ERBB3: variants seen among roughly 807,000 people sequenced by gnomAD.
ERBB3 encodes the protein erb-b2 receptor tyrosine kinase 3, also known as receptor tyrosine-protein kinase erbB-3.
In ERBB3, 96 loss-of-function variants were observed where a neutral mutation model predicts 156.7. The observed-to-expected ratio is 0.61, with a 90% CI of 0.52 to 0.73. The LOEUF (loss-of-function observed/expected upper bound fraction) is 0.73, where lower values mean the gene tolerates loss of function less well. Ranked by LOEUF, ERBB3 falls within the 30% of genes least tolerant of loss-of-function variation. The pLI is 0.00. For missense variants in ERBB3, 1,406 were observed against 1,709.4 expected (o/e 0.82, Z 3.13); for synonymous variants, 567 against 632.0 (o/e 0.90, Z 1.54).
At position 56,101,555 on chromosome 12, in the gene ERBB3, C is replaced by A. The variant is rs55699040; in HGVS notation, c.3529C>A (p.Leu1177Ile). The change falls in exon 28 of 28, where the codon CTT becomes ATT. Residue 1177 changes from leucine to isoleucine, a missense_variant. Leu to Ile is a conservative substitution (Grantham distance 5). Around this residue, in one of 3 missense-constraint regions of ERBB3, gnomAD observed 415 missense variants for 454.1 expected, o/e 0.91. Transcript: ENST00000267101. ...KGTPSSREGTLSSVGLSSVLG... is the reference protein window; with the variant it reads ...KGTPSSREGTISSVGLSSVLG... ...TACTCCCTCCTCCCGGGAAGGCACC[C>A]TTTCTTCAGTGGGTCTCAGTTCTGT... 6,228 of 1,614,074 alleles carry A rather than the reference C, an allele frequency of 3.9e-3. 22 individuals are homozygous for A. The highest frequency in any genetic ancestry group is 4.9e-3 in the Non-Finnish European group (5,832 of 1,180,004).
At chr12:56,098,963 T>TA (rs1256550568) in intron 23 of ERBB3, 58 bp downstream of exon 23, 25 of 1,528,370 alleles carry the variant, frequency 1.6e-5, no homozygotes, top group Non-Finnish European at 1.9e-5. Context: ...TTCTTTTTTT[T>TA]TTTTTTTTGA....
At chr12:56,093,168 C>G in intron 11 of ERBB3, 92 bp downstream of exon 11, 1 of 1,182,498 alleles carries the variant, frequency 8.5e-7, no homozygotes, top group Non-Finnish European at 1.3e-6. Context: ...CTGTCTCATA[C>G]AGCAGTGCCT....
At chr12:56,091,367 AT>A (rs1868702110) in intron 9 of ERBB3, among the ~76,000 whole-genome samples, 1 of 76,294 alleles carries the variant, frequency 1.3e-5, no homozygotes, top group Non-Finnish European at 3.0e-5. Context: ...TAAATATTAT[AT>A]ACTATTTATA....
At position 56,099,701 on chromosome 12, in the gene ERBB3, T is replaced by C; in HGVS notation, c.2893T>C (p.Phe965Leu). The C allele has an allele frequency of 6.2e-7, 1 of 1,614,056 alleles. No homozygotes were observed. The highest frequency in any genetic ancestry group is 8.5e-7 in the Non-Finnish European group (1 of 1,180,002). ...RPTFKELANE[F>L]TRMARDPPRY... ...AACCTTTAAAGAACTAGCCAATGAG[T>C]TCACCAGGATGGCCCGAGACCCACC... is the stretch of plus-strand genomic sequence containing the variant. Residue 965 changes from phenylalanine (F) to leucine (L), a missense_variant, in exon 24 of 28, where the codon TTC (phenylalanine) becomes CTC (leucine). Phe to Leu is a conservative substitution (Grantham distance 22, BLOSUM62 0). This residue lies in a region of ERBB3 where 979 missense variants were observed against 1,219.6 expected (regional missense o/e 0.80). Transcript: ENST00000267101.
chr12:56,093,923 T>C (rs141355769), intron 13 of ERBB3, 27 bp downstream of exon 13: 161 of 1,540,182 alleles, frequency 1.0e-4, no homozygotes, highest in Middle Eastern at 1.7e-4. Context: ...CAGTCAAGGA[T>C]GGGTGGGGGT....
intron 23 of ERBB3, among the ~76,000 whole-genome samples, chr12:56,099,338 C>G (rs1869007781): frequency 6.6e-6 from 1 of 151,768 alleles, no homozygotes; most frequent in Non-Finnish European, 1.5e-5. Flanking sequence ...CGCTCTGTTG[C>G]CCATACTGGA....
chr12:56,089,203 G>A (rs1251092165), intron 9 of ERBB3: 22 of 457,392 alleles, frequency 4.8e-5, no homozygotes, highest in East Asian at 2.6e-4. Flanking sequence ...GCGTGATCTC[G>A]ACTCACTGTA....
At chr12:56,094,583 G>C (rs1277705029) in intron 15 of ERBB3, 27 bp downstream of exon 15, 21 of 1,612,200 alleles carry the variant, frequency 1.3e-5, no homozygotes, top group Non-Finnish European at 1.7e-5. Context: ...TAAGGAGAGG[G>C]GGTCAGGTGG....
At chr12:56,087,503 C>A in intron 4 of ERBB3, 74 bp from the exon 5 acceptor site, 1 of 1,243,316 alleles carries the variant, frequency 8.0e-7, no homozygotes, top group South Asian at 1.2e-5. Flanking sequence ...TGTGTACTGA[C>A]ATCATACCCC....
rs2136826122 is a variant in ERBB3, at chr12:56,099,968, C to A, written c.3068C>A (p.Ala1023Glu). 1 of 1,614,224 alleles carries A rather than the reference C, an allele frequency of 6.2e-7. No individual in the cohort carries two copies. The highest frequency in any genetic ancestry group is 8.5e-7 in the Non-Finnish European group (1 of 1,180,046). ...TTGGAAGCAGAGGAGGACAACCTGG[C>A]AACCACCACACTGGGCTCCGCCCTC... ...LDLEAEEDNL[A>E]TTTLGSALSL... The change falls in exon 25 of 28, where the codon GCA becomes GAA. Residue 1023 changes from alanine to glutamate, a missense_variant. By Grantham distance (107) the Ala-to-Glu change is moderately radical. Around this residue, in one of 3 missense-constraint regions of ERBB3, gnomAD observed 415 missense variants for 454.1 expected, o/e 0.91. Transcript: ENST00000267101.
chr12:56,083,664 G>A, intron 1 of ERBB3, 87 bp from the exon 2 acceptor site: 1 of 1,505,492 alleles, frequency 6.6e-7, no homozygotes, highest in African/African-American at 1.4e-5. Context: ...CTGGAAGAGG[G>A]CAACCAAGGG....
chr12:56,080,376 C>G lies in ERBB3; in HGVS notation c.76C>G (p.Gln26Glu), dbSNP rs1868338819. 6.3e-7 allele frequency: 1 copy of G among 1,593,250 alleles called. No individual in the cohort carries two copies. Among genetic ancestry groups the G allele is most frequent in the South Asian group, 1.1e-5 (1 of 88,282 alleles). ...CCGGGGCTCCGAGGTGGGCAACTCT[C>G]AGGCAGGTAAGTGGCGCGAGAGCAC... Reference protein sequence around the residue: ...LARGSEVGNSQAVCPGTLNGL... With the variant: ...LARGSEVGNSEAVCPGTLNGL... Residue 26 changes from glutamine to glutamate, a missense_variant, in exon 1 of 28, where the codon CAG becomes GAG. Coordinates refer to ENST00000267101, the MANE Select transcript of ERBB3 (RefSeq NM_001982.4).
chr12:56,086,703 G>A lies in ERBB3; in HGVS notation c.547+47G>A, dbSNP rs759646874. On this transcript the variant is annotated intron_variant, in intron 4 of 27. Coordinates refer to ENST00000267101, the MANE Select transcript of ERBB3 (RefSeq NM_001982.4). ...TGCTCCCCAGTCCCACCAAACCAGAGTGACTCCCTTCTTTCCATCATCCTT... is the reference window on the plus strand; with the variant it reads ...TGCTCCCCAGTCCCACCAAACCAGAATGACTCCCTTCTTTCCATCATCCTT... 3.7e-5 allele frequency: 60 copies of A among 1,611,840 alleles called. No homozygotes were observed. In the Admixed American group the frequency reaches 9.5e-4, roughly 26 times the overall value.
In ERBB3 at chr12:56,097,937, C is replaced by T. The variant is rs1868943552; in HGVS notation, c.2613C>T (p.Ala871=). The part of the protein sequence containing the change: ...PDDKQLLYSE[A]KTPIKWMALE... ...ATAAGCAGCTGCTATACAGTGAGGCCAAGGTGAGGAGACACAAAGGGTAAG... is the reference window on the plus strand; with the variant it reads ...ATAAGCAGCTGCTATACAGTGAGGCTAAGGTGAGGAGACACAAAGGGTAAG... Residue 871 remains alanine, a synonymous_variant, in exon 21 of 28, where the codon GCC becomes GCT. Transcript: ENST00000267101. 6.2e-7 allele frequency: 1 copy of T among 1,612,886 alleles called. No homozygotes were observed. Among genetic ancestry groups the T allele is most frequent in the South Asian group, 1.1e-5 (1 of 91,016 alleles).
At chr12:56,098,277 C>T (rs1262377748) in intron 21 of ERBB3, 4 of 570,374 alleles carry the variant, frequency 7.0e-6, no homozygotes, top group Non-Finnish European at 1.2e-5. Flanking sequence ...CCAGGCGTGG[C>T]GGCATGCATC....
intron 26 of ERBB3, among the ~76,000 whole-genome samples, chr12:56,100,643 TAAAA>T (rs11317236): frequency 4.0e-5 from 5 of 124,756 alleles, no homozygotes; most frequent in African/African-American, 9.2e-5. Context: ...CCCTGTCTCT[TAAAA>T]AAAAAAAAAA....
At chr12:56,085,795 C>A (rs956040594) in intron 3 of ERBB3, among the ~76,000 whole-genome samples, 1 of 142,734 alleles carries the variant, frequency 7.0e-6, no homozygotes, top group African/African-American at 2.7e-5. Flanking sequence ...AAAGCCTGGG[C>A]GCGGTGGCTC....
At chr12:56,095,565 C>A (rs1372300382) in intron 16 of ERBB3, 100 bp from the exon 17 acceptor site, 2 of 1,400,026 alleles carry the variant, frequency 1.4e-6, no homozygotes, top group South Asian at 1.2e-5. Flanking sequence ...ATGTTAATTT[C>A]TTGCCCCAGG....
rs2136795241 is a variant in ERBB3, at chr12:56,088,082, A to G, written c.794A>G (p.Tyr265Cys). ...CVPRCPQPLV[Y>C]NKLTFQLEPN... Reference sequence around the variant, plus strand: ...CCTCGCTGTCCACAGCCTCTTGTCTACAACAAGCTAACTTTCCAGCTGGAA... The same window carrying G: ...CCTCGCTGTCCACAGCCTCTTGTCTGCAACAAGCTAACTTTCCAGCTGGAA... Residue 265 changes from tyrosine (Y) to cysteine (C), a missense_variant, in exon 7 of 28, where the codon TAC becomes TGC. Coordinates refer to ENST00000267101, the MANE Select transcript of ERBB3 (RefSeq NM_001982.4). 7 of 1,614,140 alleles carry G rather than the reference A, an allele frequency of 4.3e-6. No individual in the cohort carries two copies. Among genetic ancestry groups the G allele is most frequent in the Non-Finnish European group, 5.9e-6 (7 of 1,179,986 alleles).
Sources: allele counts gnomAD v4.1 joint callset (sites outside exome capture counted in the v4.1 genomes callset), GRCh38; gene constraint gnomAD v4.1.1; regional missense constraint gnomAD v4.1.1; transcripts MANE v1.5; gene names NCBI Gene and HGNC (gene_info 2026-07-23, HGNC 2026-07-21).